The following SLC2A13 variants were observed in gnomAD, a reference collection of about 807,000 sequenced individuals.
SLC2A13 encodes the protein proton myo-inositol cotransporter.
A neutral mutation model predicts 64.4 loss-of-function variants in SLC2A13; 32 were observed. The ratio of observed to expected loss-of-function variants is 0.50; its 90% confidence interval spans 0.37 to 0.67. The LOEUF (loss-of-function observed/expected upper bound fraction) is 0.67, where lower values mean the gene tolerates loss of function less well. Among genes scored for constraint, SLC2A13 ranks in the 30% least tolerant of loss-of-function variants. The pLI is 0.00. For synonymous variants in SLC2A13, 338 were observed against 327.1 expected, an observed-to-expected ratio of 1.03 and a Z score of -0.36; for missense variants, 743 against 829.2, an observed-to-expected ratio of 0.90 and a Z score of 1.28.
chr12:40,053,144 T>C (rs17489281), intron 1 of SLC2A13, among the ~76,000 whole-genome samples: 107 of 151,922 alleles, frequency 7.0e-4, no homozygotes, highest in Admixed American at 1.8e-3. Context: ...TAGCCAGGCA[T>C]GGTGGCACAT....
intron 4 of SLC2A13, among the ~76,000 whole-genome samples, chr12:39,918,108 T>C (rs1205934659): frequency 6.6e-6 from 1 of 152,108 alleles, no homozygotes; most frequent in Non-Finnish European, 1.5e-5. Context: ...GCTATCCTTG[T>C]ACATCTAGAT....
chr12:39,991,458 C>T (rs1947137375), intron 3 of SLC2A13, among the ~76,000 whole-genome samples: 1 of 152,104 alleles, frequency 6.6e-6, no homozygotes. Context: ...GCAAGGACGC[C>T]TCATAAGTGC....
At chr12:39,873,193 G>A (rs1302675240) in intron 4 of SLC2A13, among the ~76,000 whole-genome samples, 1 of 152,108 alleles carries the variant, frequency 6.6e-6, no homozygotes, top group East Asian at 1.9e-4. Flanking sequence ...TATGTAGCAT[G>A]AAGGATGTGT....
In SLC2A13 at chr12:39,761,612, G is replaced by C. The variant is rs185822970; in HGVS notation, c.1721-1360C>G. 1.2e-4 allele frequency among the ~76,000 whole-genome samples: 10 copies of C among 84,642 alleles called. No individual in the cohort carries two copies. The East Asian group carries it at 3.2e-3, about 27-fold the overall frequency. The allele number at this position is 84,642 out of a possible 152,430, so 55.5% of individuals were successfully genotyped here. On this transcript the variant is annotated intron_variant, in intron 9 of 9. Coordinates refer to ENST00000280871, the MANE Select transcript of SLC2A13 (RefSeq NM_052885.4). ...GGTGATACTGATAAGCTAGCTCTTG[G>C]AGAATGGGGGAATTTTGACAAAAAA...
chr12:39,902,514 C>T (rs769132309), intron 4 of SLC2A13, among the ~76,000 whole-genome samples: 22 of 151,974 alleles, frequency 1.4e-4, no homozygotes, highest in Non-Finnish European at 7.4e-5. Context: ...CTCTGATATA[C>T]ACCATGGAAG....
chr12:40,039,482 A>G (rs1948048019), intron 2 of SLC2A13, among the ~76,000 whole-genome samples: 1 of 152,084 alleles, frequency 6.6e-6, no homozygotes, highest in African/African-American at 2.4e-5. Context: ...TTCTTAATTT[A>G]TTGCATTTAT....
chr12:39,828,358 G>T (rs575961288), intron 7 of SLC2A13, among the ~76,000 whole-genome samples: 13 of 151,182 alleles, frequency 8.6e-5, no homozygotes, highest in African/African-American at 3.2e-4. Flanking sequence ...TTAGTTATCT[G>T]TGCCTTACTT....
rs925293886 is a variant in SLC2A13 at position 40,105,802 on chromosome 12, G to C, written c.7C>G (p.Arg3Gly). The part of the protein sequence containing the change: MS[R>G]KASENVEYTL... ...TACTCCACATTCTCGCTTGCCTTGC[G>C]GGACATAGGGCAGGGGCCCGGGGCT... Residue 3 changes from arginine to glycine, a missense_variant, in exon 1 of 10, where the codon CGC becomes GGC. Physicochemically the swap from Arg to Gly is moderately radical, Grantham distance 125 (BLOSUM62 -2). Coordinates refer to ENST00000280871, the MANE Select transcript of SLC2A13 (RefSeq NM_052885.4). The surrounding 1 kb of genome is among the most constrained non-coding windows in gnomAD (Gnocchi z 4.2). 2 of 1,478,138 alleles carry C rather than the reference G, an allele frequency of 1.4e-6. No homozygotes were observed. Among genetic ancestry groups the C allele is most frequent in the Non-Finnish European group, 9.0e-7 (1 of 1,114,232 alleles). 91.6% of individuals were successfully genotyped at this position (1,478,138 alleles called of 1,614,324 possible).
chr12:39,896,081 T>TAC (rs1244254090), intron 4 of SLC2A13, among the ~76,000 whole-genome samples: 4 of 4,764 alleles, frequency 8.4e-4, no homozygotes, highest in Non-Finnish European at 2.9e-3. Context: ...TATACACGTG[T>TAC]ACATATATGT....
At chr12:39,980,264 A>G (rs1946863719) in intron 3 of SLC2A13, among the ~76,000 whole-genome samples, 1 of 152,230 alleles carries the variant, frequency 6.6e-6, no homozygotes, top group Non-Finnish European at 1.5e-5. Context: ...AACTGCATCA[A>G]CTAACAAGCA....
chr12:39,901,146 C>G (rs1198231686), intron 4 of SLC2A13, among the ~76,000 whole-genome samples: 3 of 152,132 alleles, frequency 2.0e-5, no homozygotes, highest in Non-Finnish European at 4.4e-5. Context: ...ATGTAGAAAG[C>G]TGAAACTGGA....
At chr12:39,910,446 T>G (rs7133553) in intron 4 of SLC2A13, among the ~76,000 whole-genome samples, 66,538 of 151,784 alleles carry the variant, frequency 0.44, 15,033 homozygotes, top group East Asian at 0.76. Context: ...AGGTGAAGCT[T>G]TGATAAGTCT....
At chr12:40,103,425 GT>G (rs1262976621) in intron 1 of SLC2A13, among the ~76,000 whole-genome samples, 1 of 152,126 alleles carries the variant, frequency 6.6e-6, no homozygotes, top group Non-Finnish European at 1.5e-5. Context: ...AGCTTAGCAA[GT>G]TCTACGTTGC....
intron 1 of SLC2A13, among the ~76,000 whole-genome samples, chr12:40,075,766 T>C (rs577694362): frequency 2.0e-5 from 3 of 152,304 alleles, no homozygotes; most frequent in Admixed American, 6.5e-5. Flanking sequence ...TACAAGTCCT[T>C]AAGAGTTGGT....
At chr12:39,934,801 G>T (rs1403967584) in intron 4 of SLC2A13, among the ~76,000 whole-genome samples, 1 of 152,080 alleles carries the variant, frequency 6.6e-6, no homozygotes, top group Non-Finnish European at 1.5e-5. Flanking sequence ...GTTCTCTAAG[G>T]TTTAATCTGT....
intron 3 of SLC2A13, among the ~76,000 whole-genome samples, chr12:39,961,248 T>G (rs1946408043): frequency 6.6e-6 from 1 of 151,764 alleles, no homozygotes. Context: ...CAGCTTATTT[T>G]TTATAATTTT....
At chr12:39,954,126 A>G (rs1483754320) in intron 3 of SLC2A13, among the ~76,000 whole-genome samples, 1 of 152,224 alleles carries the variant, frequency 6.6e-6, no homozygotes, top group Non-Finnish European at 1.5e-5. Context: ...GCTAGCGGAT[A>G]ACAGGCAATG....
At chr12:39,950,767 T>C (rs1278083433) in intron 4 of SLC2A13, 1 of 153,512 alleles carries the variant, frequency 6.5e-6, no homozygotes, top group African/African-American at 2.4e-5. Flanking sequence ...TATTCCTCAC[T>C]CTCCTTCCCA....
At chr12:39,880,544 G>C (rs578109926) in intron 4 of SLC2A13, among the ~76,000 whole-genome samples, 59 of 152,128 alleles carry the variant, frequency 3.9e-4, no homozygotes, top group African/African-American at 1.3e-3. Flanking sequence ...ATTAAATCAA[G>C]CAATGATACA....
Sources: gnomAD v4.1 joint callset for allele counts (sites outside exome capture counted in the v4.1 genomes callset) on GRCh38, gnomAD v4.1.1 for gene constraint, Gnocchi (gnomAD v3.1) non-coding constraint, MANE v1.5 for transcripts, NCBI Gene and HGNC (gene_info 2026-07-23, HGNC 2026-07-21) for gene names.